Variants in SMYD2 observed in about 807,000 individuals in gnomAD.
The protein encoded by SMYD2 is N-lysine methyltransferase SMYD2.
A neutral mutation model predicts 59.1 loss-of-function variants in SMYD2; 53 were observed. The ratio of observed to expected loss-of-function variants is 0.90; its 90% CI spans 0.72 to 1.13. The LOEUF (loss-of-function observed/expected upper bound fraction) is 1.13, where lower values mean the gene tolerates loss of function less well. Among genes scored for constraint, SMYD2 ranks in the 50% most tolerant of loss-of-function variants. The probability of loss-of-function intolerance (pLI) is 0.00; values close to 1 mark genes in which losing one functional copy is unlikely to be tolerated. For missense variants in SMYD2, 494 were observed against 544.7 expected (o/e 0.91, Z 0.93); for synonymous variants, 208 against 198.8 (o/e 1.05, Z -0.39).
Position 214,318,289 on chromosome 1 carries a change from C to T in SMYD2, c.409+150C>T, listed in dbSNP as rs1020784491. 5.7e-5 allele frequency: 40 copies of T among 706,500 alleles called. No homozygotes were observed. In the Admixed American group the frequency reaches 7.6e-4, roughly 13 times the overall value. The allele number at this position is 706,500 out of a possible 1,614,324, so 43.8% of individuals were successfully genotyped here. ...TTTTATTTTTACTCTTGTGCTGTTT[C>T]GAAAAGCACTTTTAGCTTTTTTCTT... is the stretch of plus-strand genomic sequence containing the variant. On this transcript the variant is annotated intron_variant, in intron 4 of 11. Transcript: ENST00000366957. This position sits in a 1 kb window ranked among gnomAD's most constrained non-coding sequence, Gnocchi z 5.4.
At chr1:214,296,813 A>G (rs1239830490) in intron 1 of SMYD2, among the ~76,000 whole-genome samples, 1 of 152,084 alleles carries the variant, frequency 6.6e-6, no homozygotes, top group Non-Finnish European at 1.5e-5. Flanking sequence ...GTAACTCATC[A>G]TATTCATCCT....
At chr1:214,295,696 A>C (rs1376253830) in intron 1 of SMYD2, among the ~76,000 whole-genome samples, 1 of 152,240 alleles carries the variant, frequency 6.6e-6, no homozygotes, top group Admixed American at 6.5e-5. Flanking sequence ...CCCCCGCTGC[A>C]CGTGGGTCCC....
At chr1:214,284,890 A>G (rs1656511813) in intron 1 of SMYD2, among the ~76,000 whole-genome samples, 1 of 152,148 alleles carries the variant, frequency 6.6e-6, no homozygotes, top group South Asian at 2.1e-4. Flanking sequence ...TTCCATCTAA[A>G]TATTCATTCT....
intron 1 of SMYD2, among the ~76,000 whole-genome samples, chr1:214,281,941 A>G (rs1308904354): frequency 9.2e-5 from 14 of 152,208 alleles, no homozygotes; most frequent in African/African-American, 3.4e-4. Context: ...GTACGCTTAC[A>G]TGTTAAAGTA....
chr1:214,329,783 C>T (rs546188291), intron 7 of SMYD2, among the ~76,000 whole-genome samples: 67 of 152,312 alleles, frequency 4.4e-4, no homozygotes, highest in African/African-American at 1.5e-3. Context: ...GTGATGACGG[C>T]AACGAAGCAT....
intron 5 of SMYD2, among the ~76,000 whole-genome samples, chr1:214,321,955 T>A (rs6540821): frequency 0.88 from 134,211 of 152,176 alleles, 59,739 homozygotes; most frequent in African/African-American, 0.97. Context: ...GCCTTAGCTC[T>A]TGAAGAAACA....
At chr1:214,287,728 A>T (rs1656574294) in intron 1 of SMYD2, among the ~76,000 whole-genome samples, 1 of 152,180 alleles carries the variant, frequency 6.6e-6, no homozygotes, top group Non-Finnish European at 1.5e-5. Flanking sequence ...ATAATATAAT[A>T]TACCTACACA....
chr1:214,307,290 A>C lies in SMYD2; in HGVS notation c.237+2040A>C, dbSNP rs536446411. Among the ~76,000 whole-genome samples the C allele has an allele frequency of 9.4e-4, 143 of 152,386 alleles. 5 individuals are homozygous for C. In the South Asian group the frequency reaches 0.028, roughly 30 times the overall value. On this transcript the variant is annotated intron_variant, in intron 2 of 11. Coordinates refer to ENST00000366957, the MANE Select transcript of SMYD2 (RefSeq NM_020197.3). ...AGTTAGGGACCACATGATGTGATAG[A>C]TATTAAAGTTTTATATAAGCTGTAA...
rs1156673926 is a variant in SMYD2, at chr1:214,314,744, T to G, written c.238-18T>G. 1.3e-6 allele frequency: 2 copies of G among 1,596,222 alleles called. No individual in the cohort carries two copies. Among genetic ancestry groups the G allele is most frequent in the Admixed American group, 3.3e-5 (2 of 59,870 alleles). ...TGTATGTGCTATTTTTTAATAATGT[T>G]TTTTTCAATCTTCCCAGAAAGAAGA... On this transcript the variant is annotated intron_variant, in intron 2 of 11. Transcript: ENST00000366957.
chr1:214,315,552 C>T (rs1026914664), intron 3 of SMYD2, among the ~76,000 whole-genome samples: 6 of 152,172 alleles, frequency 3.9e-5, no homozygotes, highest in East Asian at 1.9e-4. Flanking sequence ...TGCAAACTTA[C>T]GCTCAAAGAG....
At chr1:214,297,866 T>C (rs1407459726) in intron 1 of SMYD2, among the ~76,000 whole-genome samples, 3 of 152,036 alleles carry the variant, frequency 2.0e-5, no homozygotes, top group East Asian at 3.9e-4. Flanking sequence ...AGAAGACCTA[T>C]GTTAAGAAAA....
At chr1:214,324,529 C>G (rs1657231656) in intron 5 of SMYD2, 112 bp from the exon 6 acceptor site, 1 of 946,024 alleles carries the variant, frequency 1.1e-6, no homozygotes, top group East Asian at 2.5e-5. Context: ...TTTAAAACCA[C>G]TACACCAAAA....
At chr1:214,306,828 A>G (rs1306230408) in intron 2 of SMYD2, among the ~76,000 whole-genome samples, 4 of 152,206 alleles carry the variant, frequency 2.6e-5, no homozygotes, top group Admixed American at 2.6e-4. Flanking sequence ...GCAGGAGGCC[A>G]TGGTCCCAGG....
rs1161413172 is a variant in SMYD2 at position 214,318,668 on chromosome 1, G to A, written c.410-191G>A. The stretch of plus-strand genomic sequence containing the variant: ...GAGGGAGAGAAGGAAGAAATGGCTT[G>A]CTTTCTTTCCTTAGGGTTTGTCAGT... On this transcript the variant is annotated intron_variant, in intron 4 of 11. Transcript: ENST00000366957. This position sits in a 1 kb window ranked among gnomAD's most constrained non-coding sequence, Gnocchi z 5.4. Among the ~76,000 whole-genome samples, 1 of 152,038 alleles carries A rather than the reference G, an allele frequency of 6.6e-6. No individual in the cohort carries two copies. Among genetic ancestry groups the A allele is most frequent in the Admixed American group, 6.5e-5 (1 of 15,268 alleles).
intron 2 of SMYD2, among the ~76,000 whole-genome samples, chr1:214,309,523 G>T (rs1236732859): frequency 6.6e-6 from 1 of 152,148 alleles, no homozygotes; most frequent in Non-Finnish European, 1.5e-5. Context: ...CTGCTGAGGG[G>T]GTTATGAGTA....
rs918358153 is a variant in SMYD2 at position 214,308,566 on chromosome 1, G to A, written c.237+3316G>A. Among the ~76,000 whole-genome samples, 22 of 152,108 alleles carry A rather than the reference G, an allele frequency of 1.4e-4. 1 individual carries two copies. The highest frequency in any genetic ancestry group is 5.9e-5 in the Non-Finnish European group (4 of 68,018). On this transcript the variant is annotated intron_variant, in intron 2 of 11. Transcript: ENST00000366957. ...GGATAAAACGTGGCACAAAACAAGA[G>A]CAGCGATGAGGAAGGTAATTGAGTG...
chr1:214,331,329 C>G, intron 9 of SMYD2: 1 of 408,408 alleles, frequency 2.4e-6, no homozygotes, highest in Non-Finnish European at 4.5e-6. Flanking sequence ...AAGGACAGAG[C>G]CTTGATGGCC....
At chr1:214,334,136 C>A in intron 10 of SMYD2, 64 bp from the exon 11 acceptor site, 1 of 1,485,862 alleles carries the variant, frequency 6.7e-7, no homozygotes, top group Non-Finnish European at 9.4e-7. Flanking sequence ...CTTACTGCAC[C>A]CAGCCTGTGG....
chr1:214,326,540 G>A (rs10465696), intron 6 of SMYD2, among the ~76,000 whole-genome samples: 44,721 of 151,918 alleles, frequency 0.29, 6,917 homozygotes, highest in Non-Finnish European at 0.34. Flanking sequence ...TTGGTGCAGT[G>A]CAGAGGTGGC....
Sources: gnomAD v4.1 joint callset for allele counts (sites outside exome capture counted in the v4.1 genomes callset) on GRCh38, gnomAD v4.1.1 for gene constraint, Gnocchi (gnomAD v3.1) non-coding constraint, MANE v1.5 for transcripts, NCBI Gene and HGNC (gene_info 2026-07-23, HGNC 2026-07-21) for gene names.